Variants in RAPH1 observed in about 807,000 individuals in gnomAD.
RAPH1 encodes the protein Ras association (RalGDS/AF-6) and pleckstrin homology domains 1.
A neutral mutation model predicts 88.1 loss-of-function variants in RAPH1; 18 were observed. The observed-to-expected ratio is 0.20, with a 90% CI of 0.14 to 0.30. The LOEUF (loss-of-function observed/expected upper bound fraction) is 0.30, where lower values mean the gene tolerates loss of function less well. Among genes scored for constraint, RAPH1 ranks in the 10% least tolerant of loss-of-function variants. RAPH1 has a pLI of 1.00. For synonymous variants in RAPH1, 587 were observed against 559.0 expected (o/e 1.05, Z -0.71); for missense variants, 1,448 against 1,543.2 (o/e 0.94, Z 1.03).
chr2:203,433,797 ACACT>A lies in RAPH1; in HGVS notation c.*5636_*5639del, dbSNP rs1581229843. The stretch of plus-strand genomic sequence containing the variant: ...GATTCTTAATGGTGCCGATCCACAA[ACACT>A]CAAAGTCCCCATGTTTAAATGAAAT... On this transcript the variant is annotated 3_prime_UTR_variant, in exon 14 of 14. Coordinates refer to ENST00000319170, the MANE Select transcript of RAPH1 (RefSeq NM_213589.3). 1 of 152,602 alleles carries A rather than the reference ACACT, an allele frequency of 6.6e-6. No individual in the cohort carries two copies. Among genetic ancestry groups the A allele is most frequent in the East Asian group, 1.9e-4 (1 of 5,186 alleles). 9.5% of individuals were successfully genotyped at this position (152,602 alleles called of 1,614,324 possible). A position where few individuals can be genotyped will look rare whatever the true frequency, so the allele number is the denominator to read the frequency against.
intron 1 of RAPH1, among the ~76,000 whole-genome samples, chr2:203,515,068 A>G (rs1689533580): frequency 6.6e-6 from 1 of 152,184 alleles, no homozygotes; most frequent in Non-Finnish European, 1.5e-5. Context: ...GAGGGGACCT[A>G]GGGGTACAAT....
intron 4 of RAPH1, 105 bp downstream of exon 4, chr2:203,489,479 A>C (rs965955515): frequency 1.1e-6 from 1 of 881,850 alleles, no homozygotes; most frequent in African/African-American, 1.7e-5. Context: ...ATCTTTGACA[A>C]ATTATAAATG....
chr2:203,529,155 T>A (rs910610371), intron 1 of RAPH1, among the ~76,000 whole-genome samples: 2 of 151,342 alleles, frequency 1.3e-5, no homozygotes, highest in African/African-American at 2.4e-5. Context: ...AATTTTTGTA[T>A]ATTTTGTAGA....
intron 1 of RAPH1, among the ~76,000 whole-genome samples, chr2:203,501,026 C>A (rs1688718040): frequency 6.6e-6 from 1 of 152,058 alleles, no homozygotes; most frequent in Admixed American, 6.5e-5. Context: ...AAAACATGCA[C>A]TAGAGAAAGG....
At chr2:203,529,005 A>ATATATATTT (rs1553633903) in intron 1 of RAPH1, among the ~76,000 whole-genome samples, 2 of 41,150 alleles carry the variant, frequency 4.9e-5, no homozygotes, top group African/African-American at 1.2e-4. Flanking sequence ...ATATATATAT[A>ATATATATTT]TTTTTTTTTT....
chr2:203,454,535 A>C lies in RAPH1; in HGVS notation c.1308T>G (p.Ser436=), dbSNP rs761401101. The change falls in exon 10 of 14, where the codon TCT becomes TCG. Residue 436 remains serine (S), a synonymous_variant. Coordinates refer to ENST00000319170, the MANE Select transcript of RAPH1 (RefSeq NM_213589.3). ...YYVPKGKAKV[S]RDLVCFLQLD... is the part of the protein sequence containing the mutation. ...GCTGGAGAAAGCACACCAGATCCCG[A>C]GAGACCTAAGATAAAAACACCAAAA... The C allele has an allele frequency of 6.2e-7, 1 of 1,610,526 alleles. No individual in the cohort carries two copies. Among genetic ancestry groups the C allele is most frequent in the South Asian group, 1.1e-5 (1 of 90,610 alleles).
chr2:203,439,620 T>C lies in RAPH1; in HGVS notation c.3570A>G (p.Arg1190=). The stretch of plus-strand genomic sequence containing the variant: ...CATCCATGGTGGCTGTTGGTTCTGC[T>C]CTGGACATGCGGGAGGAGAGTGAGC... The part of the protein sequence containing the change: ...RHGSLSSRMS[R]AEPTATMDDM... Residue 1190 remains arginine (R), a synonymous_variant, in exon 14 of 14, where the codon AGA becomes AGG. Transcript: ENST00000319170. The C allele has an allele frequency of 2.5e-6, 4 of 1,614,116 alleles. No homozygotes were observed. The highest frequency in any genetic ancestry group is 3.4e-6 in the Non-Finnish European group (4 of 1,180,034).
rs2098508094 is a variant in RAPH1 at position 203,444,928 on chromosome 2, A to G, written c.1716T>C (p.Ile572=). 4 of 1,614,022 alleles carry G rather than the reference A, an allele frequency of 2.5e-6. No individual in the cohort carries two copies. The highest frequency in any genetic ancestry group is 4.5e-5 in the East Asian group (2 of 44,902). ...QPAGHVRSQS[I]VSSVFSEAWK... ...AGGCTTCAGAGAATACGGAGCTCAC[A>G]ATGCTCTGGGAACGGACGTGTCCTG... The change falls in exon 13 of 14, where the codon ATT becomes ATC. Residue 572 remains isoleucine (I), a synonymous_variant. Coordinates refer to ENST00000319170, the MANE Select transcript of RAPH1 (RefSeq NM_213589.3).
At chr2:203,450,191 AT>A (rs2098513650) in intron 10 of RAPH1, among the ~76,000 whole-genome samples, 1 of 152,170 alleles carries the variant, frequency 6.6e-6, no homozygotes, top group African/African-American at 2.4e-5. Flanking sequence ...AACATAAGTT[AT>A]GTATCTGCAT....
In RAPH1 at chr2:203,434,054, A is replaced by ATCTCTCTCTC. The variant is rs199519643; in HGVS notation, c.*5382_*5383insGAGAGAGAGA. 3.4e-4 allele frequency: 44 copies of ATCTCTCTCTC among 128,232 alleles called. No individual in the cohort carries two copies. Among genetic ancestry groups the ATCTCTCTCTC allele is most frequent in the African/African-American group, 1.4e-3 (43 of 31,286 alleles). The allele number at this position is 128,232 out of a possible 1,614,324, so 7.9% of individuals were successfully genotyped here. A position where few individuals can be genotyped will look rare whatever the true frequency, so the allele number is the denominator to read the frequency against. The stretch of plus-strand genomic sequence containing the variant: ...ATCTCTCTCATATATCTATCTATCT[A>ATCTCTCTCTC]TCTATATATATATATATATATATAT... On this transcript the variant is annotated 3_prime_UTR_variant, in exon 14 of 14. Transcript: ENST00000319170.
In RAPH1 at chr2:203,495,362, C is replaced by G; in HGVS notation, c.1-9G>C. ...TCTGATAGCTGCTCCATCTGAAATA[C>G]AGACATTTGTGTAGAATGAATAGTA... is the stretch of plus-strand genomic sequence containing the variant. On this transcript the variant is annotated splice_polypyrimidine_tract_variant and intron_variant, in intron 1 of 13. Transcript: ENST00000319170. The G allele has an allele frequency of 6.2e-7, 1 of 1,613,676 alleles. No homozygotes were observed. The highest frequency in any genetic ancestry group is 8.5e-7 in the Non-Finnish European group (1 of 1,179,872).
rs141049820 is a variant in RAPH1, at chr2:203,491,314, C to T, written c.126G>A (p.Leu42=). The change falls in exon 3 of 14, where the codon TTG becomes TTA. Residue 42 remains leucine, a synonymous_variant. Coordinates refer to ENST00000319170, the MANE Select transcript of RAPH1 (RefSeq NM_213589.3). ...LGELDKLTQS[L]DSDKPMEPVK... is the part of the protein sequence containing the mutation. ...CTGGTTCCATGGGCTTGTCAGAATC[C>T]AAACTCTTTATAAAAAGAAAGTTTA... The T allele has an allele frequency of 6.2e-7, 1 of 1,600,810 alleles. No homozygotes were observed. Among genetic ancestry groups the T allele is most frequent in the African/African-American group, 1.3e-5 (1 of 74,322 alleles).
chr2:203,508,719 AAAAAG>A (rs1279637278), intron 1 of RAPH1, among the ~76,000 whole-genome samples: 12 of 152,320 alleles, frequency 7.9e-5, no homozygotes, highest in African/African-American at 2.6e-4. Flanking sequence ...GAGGAGAGAT[AAAAAG>A]AAAAAAGTCT....
At chr2:203,475,966 T>C (rs888162335) in intron 4 of RAPH1, among the ~76,000 whole-genome samples, 2 of 152,162 alleles carry the variant, frequency 1.3e-5, no homozygotes, top group African/African-American at 4.8e-5. Context: ...AAAGTAGGTA[T>C]GTAAGTAGGT....
At chr2:203,458,057 C>G (rs1258693479) in intron 7 of RAPH1, among the ~76,000 whole-genome samples, 2 of 152,094 alleles carry the variant, frequency 1.3e-5, no homozygotes, top group African/African-American at 4.8e-5. Flanking sequence ...TTAATAATCT[C>G]ATTTACTTGA....
chr2:203,461,226 A>G (rs774218384), intron 6 of RAPH1, 23 bp downstream of exon 6: 12 of 1,483,208 alleles, frequency 8.1e-6, no homozygotes, highest in Non-Finnish European at 1.1e-5. Context: ...TTAGAAAGCA[A>G]TTAAAGCAAT....
At position 203,459,938 on chromosome 2, in the gene RAPH1, A is replaced by G. The variant is rs781059858; in HGVS notation, c.1061T>C (p.Ile354Thr). The G allele has an allele frequency of 1.9e-6, 3 of 1,613,334 alleles. No individual in the cohort carries two copies. Among genetic ancestry groups the G allele is most frequent in the South Asian group, 2.2e-5 (2 of 90,882 alleles). Reference sequence around the variant, plus strand: ...GTTTTTGAAAAGTGCATATTTTTCTATACGCTCCATAAATATAAGCTTGTT... The same window carrying G: ...GTTTTTGAAAAGTGCATATTTTTCTGTACGCTCCATAAATATAAGCTTGTT... ...SQNKLIFMERIEKYALFKNPQ... is the reference protein window; with the variant it reads ...SQNKLIFMERTEKYALFKNPQ... The change falls in exon 7 of 14, where the codon ATA becomes ACA. Residue 354 changes from isoleucine to threonine, a missense_variant. Physicochemically the swap from Ile to Thr is moderately conservative, Grantham distance 89 (BLOSUM62 -1). Transcript: ENST00000319170.
chr2:203,505,426 C>T (rs560117697), intron 1 of RAPH1, among the ~76,000 whole-genome samples: 29 of 135,158 alleles, frequency 2.1e-4, no homozygotes, highest in African/African-American at 6.4e-4. Context: ...AAAGACTGGC[C>T]GCCATGATTA....
intron 1 of RAPH1, among the ~76,000 whole-genome samples, chr2:203,502,657 TA>T (rs370957672): frequency 1.3e-5 from 2 of 148,576 alleles, no homozygotes; most frequent in Non-Finnish European, 3.0e-5. Context: ...CCGCCTCTAC[TA>T]AAAATACAAA....
Sources: gnomAD v4.1 joint callset for allele counts (sites outside exome capture counted in the v4.1 genomes callset) on GRCh38, gnomAD v4.1.1 for gene constraint, MANE v1.5 for transcripts, NCBI Gene and HGNC (gene_info 2026-07-23, HGNC 2026-07-21) for gene names.